Variants in COG3 observed in about 807,000 individuals in gnomAD.
COG3 encodes component of oligomeric golgi complex 3, also known as conserved oligomeric Golgi complex subunit 3.
COG3 carries 32 observed loss-of-function variants against 114.1 expected under a neutral mutation model. That is an observed-to-expected ratio of 0.28 (90% confidence interval 0.21 to 0.38). The LOEUF (loss-of-function observed/expected upper bound fraction) is 0.38. Among genes scored for constraint, COG3 ranks in the 10% least tolerant of loss-of-function variants. The pLI is 1.00. For synonymous variants in COG3, 352 were observed against 365.7 expected (o/e 0.96, Z 0.43); for missense variants, 813 against 973.2 (o/e 0.84, Z 2.19).
intron 14 of COG3, among the ~76,000 whole-genome samples, chr13:45,505,617 T>G (rs1392680791): frequency 2.6e-5 from 4 of 151,232 alleles, no homozygotes; most frequent in Admixed American, 1.3e-4. Flanking sequence ...TCCTGCTTTC[T>G]TTTTACTTTT....
rs556706525 is a variant in COG3, at chr13:45,527,059, G to A, written c.2230+2008G>A. Among the ~76,000 whole-genome samples, 18 of 152,264 alleles carry A rather than the reference G, an allele frequency of 1.2e-4. No individual in the cohort carries two copies. The South Asian group carries it at 3.7e-3, about 32-fold the overall frequency. Reference sequence around the variant, plus strand: ...TGATAAATCTTTCTTAAGATTTAAAGGTAGAAACCAGTACAGCTAAGCCCA... The same window carrying A: ...TGATAAATCTTTCTTAAGATTTAAAAGTAGAAACCAGTACAGCTAAGCCCA... On this transcript the variant is annotated intron_variant, in intron 20 of 22. Coordinates refer to ENST00000349995, the MANE Select transcript of COG3 (RefSeq NM_031431.4).
chr13:45,503,795 A>C (rs1869814514), intron 14 of COG3, among the ~76,000 whole-genome samples: 2 of 152,068 alleles, frequency 1.3e-5, no homozygotes, highest in South Asian at 2.1e-4. Context: ...GTGGGGAAGG[A>C]GCAGGTAAAA....
chr13:45,474,672 C>G (rs2137783931), intron 1 of COG3, among the ~76,000 whole-genome samples: 1 of 152,228 alleles, frequency 6.6e-6, no homozygotes. Context: ...ACAAAAAACT[C>G]TATTTTTAAA....
At chr13:45,505,942 A>T (rs546948382) in intron 14 of COG3, among the ~76,000 whole-genome samples, 3 of 152,028 alleles carry the variant, frequency 2.0e-5, no homozygotes, top group South Asian at 2.1e-4. Flanking sequence ...GTCGGGCAGG[A>T]TGGAGTGCAG....
In COG3 at chr13:45,476,347, G is replaced by A. The variant is rs772760191; in HGVS notation, c.321G>A (p.Gln107=). 1 of 1,611,872 alleles carries A rather than the reference G, an allele frequency of 6.2e-7. No individual in the cohort carries two copies. The highest frequency in any genetic ancestry group is 8.5e-7 in the Non-Finnish European group (1 of 1,178,434). The part of the protein sequence containing the change: ...MEEERIETAQ[Q]FFSWFAKLQT... Reference sequence around the variant, plus strand: ...AAGAAAGAATTGAAACCGCACAGCAGGTGAATTGCAGTATCTTTTCTAAGG... The same window carrying A: ...AAGAAAGAATTGAAACCGCACAGCAAGTGAATTGCAGTATCTTTTCTAAGG... Residue 107 remains glutamine, a splice_region_variant and synonymous_variant, in exon 2 of 23, where the codon CAG becomes CAA. Coordinates refer to ENST00000349995, the MANE Select transcript of COG3 (RefSeq NM_031431.4).
At chr13:45,502,449 G>A (rs1306854400) in intron 13 of COG3, among the ~76,000 whole-genome samples, 5 of 152,156 alleles carry the variant, frequency 3.3e-5, no homozygotes, top group Admixed American at 6.6e-5. Context: ...ACCACTTGCA[G>A]TAAATATGCT....
At chr13:45,503,210 A>G (rs761530555) in intron 13 of COG3, 34 bp from the exon 14 acceptor site, 7 of 1,049,126 alleles carry the variant, frequency 6.7e-6, no homozygotes, top group Non-Finnish European at 1.0e-5. Flanking sequence ...ACACTGCTGA[A>G]AACGGTAACA....
At chr13:45,534,177 G>A (rs763290947) in intron 22 of COG3, among the ~76,000 whole-genome samples, 14 of 152,228 alleles carry the variant, frequency 9.2e-5, no homozygotes, top group Non-Finnish European at 1.5e-4. Context: ...GTTTTAAAAA[G>A]TCACTTAAAG....
chr13:45,474,106 A>G (rs1233716511), intron 1 of COG3, among the ~76,000 whole-genome samples: 4 of 150,322 alleles, frequency 2.7e-5, no homozygotes, highest in Admixed American at 1.3e-4. Flanking sequence ...GCTTTCCAGC[A>G]TTCTAAAAAG....
At chr13:45,489,187 A>ATTC (rs1886857489) in intron 8 of COG3, among the ~76,000 whole-genome samples, 1 of 21,616 alleles carries the variant, frequency 4.6e-5, no homozygotes, top group Non-Finnish European at 7.9e-5. Context: ...ACTCTGTTTC[A>ATTC]AAAAAAAAAA....
Position 45,508,610 on chromosome 13 carries a change from A to G in COG3, c.1595-1082A>G, listed in dbSNP as rs1430149771. On this transcript the variant is annotated intron_variant, in intron 14 of 22. Transcript: ENST00000349995. ...ACAATAAACCATTATTGCACTAAAA[A>G]TTTAATGAGTTTGCTAATGTCCTCT... Among the ~76,000 whole-genome samples the G allele has an allele frequency of 2.0e-5, 3 of 152,198 alleles. 1 individual carries two copies. Among genetic ancestry groups the G allele is most frequent in the Non-Finnish European group, 4.4e-5 (3 of 68,032 alleles).
chr13:45,503,025 A>G (rs1040807751), intron 13 of COG3, among the ~76,000 whole-genome samples: 1 of 152,200 alleles, frequency 6.6e-6, no homozygotes, highest in African/African-American at 2.4e-5. Flanking sequence ...AAAATAGCAT[A>G]CTGTAGCTAT....
At chr13:45,511,719 G>A in intron 15 of COG3, 46 bp from the exon 16 acceptor site, 1 of 1,429,972 alleles carries the variant, frequency 7.0e-7, no homozygotes, top group Non-Finnish European at 9.8e-7. Flanking sequence ...CTTTTTTTTT[G>A]TTTTGTCAAA....
chr13:45,515,814 T>C (rs1176510742), intron 16 of COG3, among the ~76,000 whole-genome samples: 1 of 152,212 alleles, frequency 6.6e-6, no homozygotes, highest in Non-Finnish European at 1.5e-5. Flanking sequence ...CCTCCTCTGC[T>C]CTGGGCCACA....
chr13:45,501,262 C>T (rs2137855302), intron 13 of COG3, among the ~76,000 whole-genome samples: 1 of 152,292 alleles, frequency 6.6e-6, no homozygotes, highest in Non-Finnish European at 1.5e-5. Flanking sequence ...CTTGGAACTT[C>T]TCTGTAAGGG....
chr13:45,465,350 A>G, intron 1 of COG3, 140 bp downstream of exon 1: 1 of 1,344,722 alleles, frequency 7.4e-7, no homozygotes, highest in Non-Finnish European at 9.8e-7. Context: ...ATCCGGTGGG[A>G]GGGGCCTCAT....
intron 1 of COG3, chr13:45,465,461 G>T (rs1885079632): frequency 1.9e-6 from 1 of 539,674 alleles, no homozygotes; most frequent in South Asian, 2.5e-5. Context: ...CCGGAACCCA[G>T]TCCTCCCCCA....
intron 13 of COG3, among the ~76,000 whole-genome samples, chr13:45,496,707 T>C (rs1013380645): frequency 6.6e-6 from 1 of 152,176 alleles, no homozygotes; most frequent in Non-Finnish European, 1.5e-5. Context: ...GGAGTCTTGC[T>C]CTGTCGCCCA....
intron 11 of COG3, among the ~76,000 whole-genome samples, chr13:45,492,464 G>T (rs112511684): frequency 1.6e-3 from 241 of 152,188 alleles, no homozygotes; most frequent in African/African-American, 5.7e-3. Flanking sequence ...TGTTTGTAAT[G>T]TAATTATTTA....
Sources: allele counts gnomAD v4.1 joint callset (sites outside exome capture counted in the v4.1 genomes callset), GRCh38; gene constraint gnomAD v4.1.1; transcripts MANE v1.5; gene names NCBI Gene and HGNC (gene_info 2026-07-23, HGNC 2026-07-21).